The following CHRM3 variants were observed in gnomAD, a reference collection of about 807,000 sequenced individuals.
CHRM3 encodes the protein cholinergic receptor muscarinic 3.
Under a neutral mutation model 41.8 loss-of-function variants are expected in CHRM3, and 11 were observed. The observed-to-expected ratio is 0.26, with a 90% CI of 0.17 to 0.44. CHRM3 has a LOEUF of 0.44. CHRM3 is among the 20% of genes least tolerant of loss of function. CHRM3 has a pLI of 1.00. For missense variants in CHRM3, 571 were observed against 745.4 expected (o/e 0.77, Z 2.72); for synonymous variants, 297 against 301.4 (o/e 0.99, Z 0.15).
intron 3 of CHRM3, among the ~76,000 whole-genome samples, chr1:239,584,086 C>T (rs892093848): frequency 3.3e-5 from 5 of 149,428 alleles, no homozygotes; most frequent in East Asian, 3.9e-4. Flanking sequence ...ATGTTGGATT[C>T]GAATTAGTCA....
intron 3 of CHRM3, among the ~76,000 whole-genome samples, chr1:239,607,569 C>A (rs1666487692): frequency 6.6e-6 from 1 of 152,142 alleles, no homozygotes; most frequent in East Asian, 1.9e-4. Context: ...AATAAACAAA[C>A]CCTTACTAGG....
rs1302713080 is a variant in CHRM3 at position 239,914,554 on chromosome 1, A to T, written c.*5330A>T. 6.0e-6 allele frequency: 1 copy of T among 167,112 alleles called. No homozygotes were observed. Among genetic ancestry groups the T allele is most frequent in the Non-Finnish European group, 1.5e-5 (1 of 68,124 alleles). 10.4% of individuals were successfully genotyped at this position (167,112 alleles called of 1,614,324 possible). On this transcript the variant is annotated 3_prime_UTR_variant, in exon 7 of 7. Transcript: ENST00000676153. ...ATTTAGAGTCCAAAGAGGAAAAAGAAAATTAACTCTGTTTTTTATCCCTAG... is the reference window on the plus strand; with the variant it reads ...ATTTAGAGTCCAAAGAGGAAAAAGATAATTAACTCTGTTTTTTATCCCTAG...
intron 2 of CHRM3, among the ~76,000 whole-genome samples, chr1:239,502,074 G>A (rs1668278508): frequency 6.6e-6 from 1 of 151,902 alleles, no homozygotes; most frequent in South Asian, 2.1e-4. Context: ...AAACAACCAA[G>A]ATCAGAGCAG....
chr1:239,403,301 T>G (rs539488281), intron 1 of CHRM3, among the ~76,000 whole-genome samples: 3 of 152,362 alleles, frequency 2.0e-5, no homozygotes, highest in Non-Finnish European at 4.4e-5. Context: ...CCCAAGGGCC[T>G]GCTTGGCACA....
intron 5 of CHRM3, among the ~76,000 whole-genome samples, chr1:239,708,993 G>A (rs1233316544): frequency 1.3e-5 from 2 of 151,768 alleles, no homozygotes; most frequent in Non-Finnish European, 1.5e-5. Flanking sequence ...TGGCAATATA[G>A]TCTTCCACCC....
intron 4 of CHRM3, among the ~76,000 whole-genome samples, chr1:239,652,983 C>CT (rs1672375714): frequency 6.6e-6 from 1 of 152,170 alleles, no homozygotes; most frequent in African/African-American, 2.4e-5. Flanking sequence ...AATATATGGT[C>CT]TAAATGACTG....
At chr1:239,884,006 C>A (rs1247299595) in intron 6 of CHRM3, among the ~76,000 whole-genome samples, 1 of 152,196 alleles carries the variant, frequency 6.6e-6, no homozygotes, top group East Asian at 1.9e-4. Context: ...CAAACACCCA[C>A]ACACATCAGC....
intron 3 of CHRM3, among the ~76,000 whole-genome samples, chr1:239,547,470 G>A (rs1030497912): frequency 2.2e-4 from 34 of 152,262 alleles, no homozygotes; most frequent in African/African-American, 7.9e-4. Context: ...GGATTATCCT[G>A]ATGAGCACAG....
At chr1:239,874,254 A>G (rs1402989456) in intron 6 of CHRM3, among the ~76,000 whole-genome samples, 3 of 139,896 alleles carry the variant, frequency 2.1e-5, no homozygotes, top group Non-Finnish European at 4.6e-5. Flanking sequence ...TAATATATAT[A>G]TAGCAAGACC....
At chr1:239,478,731 A>C (rs1666624268) in intron 1 of CHRM3, among the ~76,000 whole-genome samples, 2 of 152,244 alleles carry the variant, frequency 1.3e-5, no homozygotes, top group Non-Finnish European at 2.9e-5. Flanking sequence ...GCTAAAATGC[A>C]AGTAGGAAAT....
chr1:239,593,354 T>G (rs1664405233), intron 3 of CHRM3, among the ~76,000 whole-genome samples: 1 of 152,180 alleles, frequency 6.6e-6, no homozygotes, highest in South Asian at 2.1e-4. Context: ...TTTTGTTTAT[T>G]AACTGATCTT....
chr1:239,768,767 A>ATT (rs34982165), intron 5 of CHRM3, among the ~76,000 whole-genome samples: 1 of 142,798 alleles, frequency 7.0e-6, no homozygotes, highest in Admixed American at 7.0e-5. Flanking sequence ...TTAAATGATA[A>ATT]TTTTTTTTTT....
chr1:239,429,550 G>C (rs1662657290), intron 1 of CHRM3, among the ~76,000 whole-genome samples: 2 of 152,092 alleles, frequency 1.3e-5, no homozygotes, highest in South Asian at 4.1e-4. Flanking sequence ...TGTAATTGCT[G>C]TTAATCAGTG....
chr1:239,466,542 G>T (rs1002505658), intron 1 of CHRM3, among the ~76,000 whole-genome samples: 5 of 151,818 alleles, frequency 3.3e-5, no homozygotes, highest in African/African-American at 1.2e-4. Context: ...ATGTGCAGGG[G>T]TTACCACCCC....
intron 3 of CHRM3, among the ~76,000 whole-genome samples, chr1:239,574,294 G>A (rs188139317): frequency 1.8e-3 from 278 of 152,252 alleles, no homozygotes; most frequent in Admixed American, 3.7e-3. Context: ...CAGAGGCCCA[G>A]CATGGTTTGG....
At chr1:239,640,079 A>G (rs75840952) in intron 4 of CHRM3, among the ~76,000 whole-genome samples, 92,571 of 151,160 alleles carry the variant, frequency 0.61, 28,734 homozygotes, top group East Asian at 0.83. Flanking sequence ...ATTGATTTGC[A>G]TATATTGAAC....
intron 3 of CHRM3, among the ~76,000 whole-genome samples, chr1:239,563,822 A>T (rs140274189): frequency 2.3e-4 from 35 of 152,296 alleles, no homozygotes; most frequent in Middle Eastern, 3.4e-3. Context: ...TGGGAAAAAA[A>T]AGTGTGGCAG....
chr1:239,492,947 A>G (rs1325415714), intron 2 of CHRM3, 140 bp downstream of exon 2: 5 of 152,210 alleles, frequency 3.3e-5, no homozygotes, highest in African/African-American at 7.2e-5. Context: ...TAACACTTCA[A>G]TATTATACTG....
chr1:239,858,771 AG>A (rs965656886), intron 6 of CHRM3, among the ~76,000 whole-genome samples: 1 of 152,098 alleles, frequency 6.6e-6, no homozygotes, highest in African/African-American at 2.4e-5. Context: ...TTGTTCCTAG[AG>A]CCCCTCCCCC....
Sources: allele counts gnomAD v4.1 joint callset (sites outside exome capture counted in the v4.1 genomes callset), GRCh38; gene constraint gnomAD v4.1.1; transcripts MANE v1.5; gene names NCBI Gene and HGNC (gene_info 2026-07-23, HGNC 2026-07-21).